KCNK9: variants seen among roughly 807,000 people sequenced by gnomAD.
KCNK9 encodes the protein potassium channel subfamily K member 9.
A neutral mutation model predicts 10.8 loss-of-function variants in KCNK9; 1 was observed. That is an observed-to-expected ratio of 0.09 (90% CI 0.03 to 0.44). The LOEUF (loss-of-function observed/expected upper bound fraction) is 0.44, where lower values mean the gene tolerates loss of function less well. Ranked by LOEUF, KCNK9 falls within the 20% of genes least tolerant of loss-of-function variation. The pLI, the probability that KCNK9 is intolerant of heterozygous loss-of-function variation, is 0.97. For missense variants in KCNK9, 303 were observed against 515.0 expected (o/e 0.59, Z 3.98); for synonymous variants, 231 against 222.7 (o/e 1.04, Z -0.33).
rs1814655849 is a variant in KCNK9, at chr8:139,618,102, G to A, written c.*156C>T. The A allele has an allele frequency of 9.3e-7, 1 of 1,070,082 alleles. No individual in the cohort carries two copies. Among genetic ancestry groups the A allele is most frequent in the South Asian group, 1.5e-5 (1 of 65,184 alleles). The allele number at this position is 1,070,082 out of a possible 1,614,324, so 66.3% of individuals were successfully genotyped here. On this transcript the variant is annotated 3_prime_UTR_variant, in exon 2 of 2. Transcript: ENST00000520439. The surrounding 1 kb of genome is among the most constrained non-coding windows in gnomAD (Gnocchi z 7.9). ...TGCTCTGTCTGGCTGGAAAGGTGGG[G>A]GAAAATGAGACCAAGAGACCAAGAA...
rs1179647674 is a variant in KCNK9 at position 139,618,175 on chromosome 8, AAAT to A, written c.*80_*82del. ...AATGATGACAATAATAATAATAAAT[AAAT>A]AAGAAAAGACGAGTTGGACCAATGG... is the stretch of plus-strand genomic sequence containing the variant. On this transcript the variant is annotated 3_prime_UTR_variant, in exon 2 of 2. Coordinates refer to ENST00000520439, the MANE Select transcript of KCNK9 (RefSeq NM_001282534.2). This position sits in a 1 kb window ranked among gnomAD's most constrained non-coding sequence, Gnocchi z 7.9. 1 of 1,525,674 alleles carries A rather than the reference AAAT, an allele frequency of 6.6e-7. No individual in the cohort carries two copies. Among genetic ancestry groups the A allele is most frequent in the Non-Finnish European group, 9.0e-7 (1 of 1,107,804 alleles). The allele number at this position is 1,525,674 out of a possible 1,614,324, so 94.5% of individuals were successfully genotyped here.
chr8:139,628,749 TAAATATATA>T lies in KCNK9; in HGVS notation c.284-9659_284-9651del, dbSNP rs1205810366. 2.0e-5 allele frequency among the ~76,000 whole-genome samples: 3 copies of T among 152,370 alleles called. No homozygotes were observed. In the East Asian group the frequency reaches 5.8e-4, roughly 29 times the overall value. ...TGATGCCTTAAGGGGGGAAATGGAC[TAAATATATA>T]AAATATATTTCTAAAACATATGAAC... On this transcript the variant is annotated intron_variant, in intron 1 of 1. Coordinates refer to ENST00000520439, the MANE Select transcript of KCNK9 (RefSeq NM_001282534.2).
intron 1 of KCNK9, among the ~76,000 whole-genome samples, chr8:139,673,334 A>G (rs545444477): frequency 2.6e-5 from 4 of 152,338 alleles, no homozygotes; most frequent in African/African-American, 9.6e-5. Context: ...TGCAGAGTTT[A>G]AATTAGGGGA....
In KCNK9 at chr8:139,669,356, C is replaced by T. The variant is rs541531706; in HGVS notation, c.283+33354G>A. On this transcript the variant is annotated intron_variant, in intron 1 of 1. Coordinates refer to ENST00000520439, the MANE Select transcript of KCNK9 (RefSeq NM_001282534.2). Reference sequence around the variant, plus strand: ...CGATGCTGTTTGATAGCAATTTCCACGGACTAGGACTGCAGAAACTGGAGT... The same window carrying T: ...CGATGCTGTTTGATAGCAATTTCCATGGACTAGGACTGCAGAAACTGGAGT... Among the ~76,000 whole-genome samples the T allele has an allele frequency of 5.3e-5, 8 of 152,358 alleles. No individual in the cohort carries two copies. In the South Asian group the frequency reaches 8.3e-4, roughly 16 times the overall value.
intron 1 of KCNK9, among the ~76,000 whole-genome samples, chr8:139,664,710 G>A (rs975498678): frequency 3.9e-5 from 6 of 152,166 alleles, no homozygotes; most frequent in Admixed American, 2.6e-4. Flanking sequence ...GCCGTAAGGC[G>A]TGTGACCACA....
Position 139,686,432 on chromosome 8 carries a change from AC to A in KCNK9, c.283+16277del, listed in dbSNP as rs757696991. 3.0e-4 allele frequency among the ~76,000 whole-genome samples: 46 copies of A among 152,212 alleles called. No homozygotes were observed. In the Middle Eastern group the frequency reaches 0.027, roughly 90 times the overall value. ...AAATTTACAAGAAAAAAACAAACAA[AC>A]CCATCAAAAAGTGGGCAAAGGATAT... On this transcript the variant is annotated intron_variant, in intron 1 of 1. Coordinates refer to ENST00000520439, the MANE Select transcript of KCNK9 (RefSeq NM_001282534.2).
intron 1 of KCNK9, among the ~76,000 whole-genome samples, chr8:139,656,941 C>T (rs1020752246): frequency 5.9e-5 from 9 of 152,234 alleles, no homozygotes; most frequent in African/African-American, 2.2e-4. Flanking sequence ...AGGCTCAGCC[C>T]TCCCCAGTGC....
chr8:139,649,365 TG>T (rs1190236815), intron 1 of KCNK9, among the ~76,000 whole-genome samples: 1 of 152,168 alleles, frequency 6.6e-6, no homozygotes, highest in Non-Finnish European at 1.5e-5. Context: ...CCCGTTGATT[TG>T]GGGGCTGGCT....
At chr8:139,653,623 C>A (rs1455968616) in intron 1 of KCNK9, among the ~76,000 whole-genome samples, 1 of 152,174 alleles carries the variant, frequency 6.6e-6, no homozygotes, top group African/African-American at 2.4e-5. Context: ...CCTTCCCTCA[C>A]CCCAAGGGCC....
At chr8:139,663,637 G>A (rs1044914659) in intron 1 of KCNK9, among the ~76,000 whole-genome samples, 7 of 143,828 alleles carry the variant, frequency 4.9e-5, no homozygotes, top group East Asian at 2.1e-4. Flanking sequence ...AGGAACAGAC[G>A]CGCGTGCGCA....
chr8:139,646,351 T>C (rs1174808756), intron 1 of KCNK9, among the ~76,000 whole-genome samples: 1 of 152,240 alleles, frequency 6.6e-6, no homozygotes, highest in African/African-American at 2.4e-5. Flanking sequence ...TCTCTTCCAG[T>C]ATCCCGTAGA....
In KCNK9 at chr8:139,617,657, G is replaced by A. The variant is rs1327467145; in HGVS notation, c.*601C>T. ...ATACGATAAATCAAAAACCTTGTGG[G>A]TTTTGTCTTCCCGTTTTGTTTGGAA... On this transcript the variant is annotated 3_prime_UTR_variant, in exon 2 of 2. Transcript: ENST00000520439. 2.6e-5 allele frequency among the ~76,000 whole-genome samples: 4 copies of A among 152,186 alleles called. No homozygotes were observed. Among genetic ancestry groups the A allele is most frequent in the Non-Finnish European group, 4.4e-5 (3 of 68,044 alleles).
In KCNK9 at chr8:139,670,248, G is replaced by A. The variant is rs140075045; in HGVS notation, c.283+32462C>T. Among the ~76,000 whole-genome samples the A allele has an allele frequency of 2.0e-3, 304 of 152,146 alleles. 2 individuals carry two copies. Among genetic ancestry groups the A allele is most frequent in the African/African-American group, 7.2e-3 (297 of 41,502 alleles). On this transcript the variant is annotated intron_variant, in intron 1 of 1. Coordinates refer to ENST00000520439, the MANE Select transcript of KCNK9 (RefSeq NM_001282534.2). ...GCCCCCAGACAATTACAATAGTAAC[G>A]CCAAAGATCATTGATCACCATAACG...
At position 139,702,798 on chromosome 8, in the gene KCNK9, C is replaced by T; in HGVS notation, c.195G>A (p.Val65=). ...CGCGGTGCGGTTCCGACTGCAGGAT[C>T]ACCAGCTCCAGCTGCCGGTAGTCCT... is the stretch of plus-strand genomic sequence containing the variant. The part of the protein sequence containing the change: ...SSEDYRQLEL[V]ILQSEPHRAG... Residue 65 remains valine, a synonymous_variant, in exon 1 of 2, where the codon GTG becomes GTA. Transcript: ENST00000520439. The surrounding 1 kb of genome is among the most constrained non-coding windows in gnomAD (Gnocchi z 7.5). The T allele has an allele frequency of 6.2e-7, 1 of 1,613,912 alleles. No individual in the cohort carries two copies. Among genetic ancestry groups the T allele is most frequent in the Non-Finnish European group, 8.5e-7 (1 of 1,179,968 alleles).
intron 1 of KCNK9, among the ~76,000 whole-genome samples, chr8:139,675,689 C>T (rs761425018): frequency 6.6e-6 from 1 of 152,148 alleles, no homozygotes; most frequent in Non-Finnish European, 1.5e-5. Flanking sequence ...AAGACACTCT[C>T]AGTCCTTGCT....
chr8:139,618,125 G>A lies in KCNK9; in HGVS notation c.*133C>T. ...GGGGAAAATGAGACCAAGAGACCAA[G>A]AAAGGAGGAAGGAGAGAAAGTAATA... is the stretch of plus-strand genomic sequence containing the variant. On this transcript the variant is annotated 3_prime_UTR_variant, in exon 2 of 2. Transcript: ENST00000520439. This position sits in a 1 kb window ranked among gnomAD's most constrained non-coding sequence, Gnocchi z 7.9. 1 of 1,299,952 alleles carries A rather than the reference G, an allele frequency of 7.7e-7. No individual in the cohort carries two copies. Among genetic ancestry groups the A allele is most frequent in the Non-Finnish European group, 1.1e-6 (1 of 937,096 alleles). The allele number at this position is 1,299,952 out of a possible 1,614,324, so 80.5% of individuals were successfully genotyped here. A position where few individuals can be genotyped will look rare whatever the true frequency, so the allele number is the denominator to read the frequency against.
chr8:139,623,210 G>A (rs1814849467), intron 1 of KCNK9, among the ~76,000 whole-genome samples: 1 of 152,174 alleles, frequency 6.6e-6, no homozygotes. Flanking sequence ...GGAGAATGAG[G>A]TACAAATCTA....
chr8:139,630,932 G>GTGT (rs1022929881), intron 1 of KCNK9, among the ~76,000 whole-genome samples: 2 of 152,260 alleles, frequency 1.3e-5, no homozygotes, highest in African/African-American at 4.8e-5. Context: ...CTCCTAGAAA[G>GTGT]TGTTGCCAGG....
Position 139,702,629 on chromosome 8 carries a change from C to T in KCNK9, c.283+81G>A, listed in dbSNP as rs1817256487. The T allele has an allele frequency of 3.4e-6, 5 of 1,455,290 alleles. No individual in the cohort carries two copies. The Admixed American group carries it at 1.1e-4, about 31-fold the overall frequency. The allele number at this position is 1,455,290 out of a possible 1,614,324, so 90.1% of individuals were successfully genotyped here. On this transcript the variant is annotated intron_variant, in intron 1 of 1. Coordinates refer to ENST00000520439, the MANE Select transcript of KCNK9 (RefSeq NM_001282534.2). This position sits in a 1 kb window ranked among gnomAD's most constrained non-coding sequence, Gnocchi z 7.5. ...TGCGTTTAACCCTCGACGCCCTGCACCCAGCCCGGCGCGGCGCGCTCAGCC... is the reference window on the plus strand; with the variant it reads ...TGCGTTTAACCCTCGACGCCCTGCATCCAGCCCGGCGCGGCGCGCTCAGCC...
Sources: gnomAD v4.1 joint callset for allele counts (sites outside exome capture counted in the v4.1 genomes callset) on GRCh38, gnomAD v4.1.1 for gene constraint, Gnocchi (gnomAD v3.1) non-coding constraint, MANE v1.5 for transcripts, NCBI Gene and HGNC (gene_info 2026-07-23, HGNC 2026-07-21) for gene names.